The following AASDHPPT variants were observed in gnomAD, a reference collection of about 807,000 sequenced individuals.
AASDHPPT encodes L-aminoadipate-semialdehyde dehydrogenase-phosphopantetheinyl transferase.
AASDHPPT carries 23 observed loss-of-function variants against 36.4 expected under a neutral mutation model. The ratio of observed to expected loss-of-function variants is 0.63; its 90% confidence interval spans 0.45 to 0.89. AASDHPPT has a LOEUF of 0.89. Ranked by LOEUF, AASDHPPT falls within the 40% of genes least tolerant of loss-of-function variation. AASDHPPT has a pLI of 0.00. For synonymous variants in AASDHPPT, 115 were observed against 128.0 expected, an observed-to-expected ratio of 0.90 and a Z score of 0.68; for missense variants, 377 against 378.2, an observed-to-expected ratio of 1.00 and a Z score of 0.03.
chr11:106,081,104 G>A (rs1397332310), intron 2 of AASDHPPT, among the ~76,000 whole-genome samples: 1 of 152,140 alleles, frequency 6.6e-6, no homozygotes, highest in Non-Finnish European at 1.5e-5. Flanking sequence ...TTAGTACCTT[G>A]CCTAGCATGT....
chr11:106,078,612 TTC>T (rs1283790623), intron 1 of AASDHPPT, among the ~76,000 whole-genome samples: 4 of 152,214 alleles, frequency 2.6e-5, no homozygotes, highest in African/African-American at 4.8e-5. Flanking sequence ...TTGAAACACT[TTC>T]TGTTTGAAAT....
chr11:106,091,275 G>T, intron 3 of AASDHPPT, 41 bp from the exon 4 acceptor site: 1 of 1,547,430 alleles, frequency 6.5e-7, no homozygotes, highest in East Asian at 2.3e-5. Context: ...AAAAATTTTT[G>T]TCCACCAAAT....
At chr11:106,086,880 C>G (rs1861203535) in intron 2 of AASDHPPT, among the ~76,000 whole-genome samples, 1 of 152,168 alleles carries the variant, frequency 6.6e-6, no homozygotes, top group Admixed American at 6.5e-5. Flanking sequence ...AAACATGTTC[C>G]AAACCCAGCA....
chr11:106,094,573 TA>T lies in AASDHPPT; in HGVS notation c.694-9del. Reference sequence around the variant, plus strand: ...TTATAATCTATATTTATTTACCTTTTATCTTTCAGGAAAGCAAAATAGATGA... The same window carrying T: ...TTATAATCTATATTTATTTACCTTTTTCTTTCAGGAAAGCAAAATAGATGA... On this transcript the variant is annotated splice_polypyrimidine_tract_variant and intron_variant, in intron 4 of 5. Transcript: ENST00000278618. The T allele has an allele frequency of 6.3e-7, 1 of 1,593,440 alleles. No homozygotes were observed. The highest frequency in any genetic ancestry group is 1.1e-5 in the South Asian group (1 of 87,300).
At chr11:106,094,362 A>G (rs547852514) in intron 4 of AASDHPPT, 23 of 357,196 alleles carry the variant, frequency 6.4e-5, no homozygotes, top group East Asian at 4.0e-4. Flanking sequence ...TGTGCCTACT[A>G]GGAAATACAT....
chr11:106,083,879 A>C (rs186956034), intron 2 of AASDHPPT, among the ~76,000 whole-genome samples: 1 of 152,304 alleles, frequency 6.6e-6, no homozygotes, highest in Admixed American at 6.5e-5. Context: ...GACAGAGTTC[A>C]GAATTTATCA....
rs991840135 is a variant in AASDHPPT at position 106,098,670 on chromosome 11, T to TA, written c.*1770dup. 1 of 151,982 alleles carries TA rather than the reference T, an allele frequency of 6.6e-6. No homozygotes were observed. The highest frequency in any genetic ancestry group is 2.4e-5 in the African/African-American group (1 of 41,416). 9.4% of individuals were successfully genotyped at this position (151,982 alleles called of 1,614,324 possible). Reference sequence around the variant, plus strand: ...AAACTTTGTCTTGTCATTATAATAATAAAAAAATGAACATTTATTATGGAA... The same window carrying TA: ...AAACTTTGTCTTGTCATTATAATAATAAAAAAAATGAACATTTATTATGGAA... On this transcript the variant is annotated 3_prime_UTR_variant, in exon 6 of 6. Transcript: ENST00000278618.
At chr11:106,094,541 A>G in intron 4 of AASDHPPT, 42 bp from the exon 5 acceptor site, 2 of 1,411,384 alleles carry the variant, frequency 1.4e-6, no homozygotes, top group Non-Finnish European at 1.9e-6. Flanking sequence ...ATCTAGGTTT[A>G]CATATTTTAT....
Position 106,096,550 on chromosome 11 carries a change from T to C in AASDHPPT, c.766-193T>C, listed in dbSNP as rs377147460. ...ATAAAAAAGTTCAAGAATCAGGTTTTCTATTTCATTTTTTTTTGATTTGTT... is the reference window on the plus strand; with the variant it reads ...ATAAAAAAGTTCAAGAATCAGGTTTCCTATTTCATTTTTTTTTGATTTGTT... On this transcript the variant is annotated intron_variant, in intron 5 of 5. Coordinates refer to ENST00000278618, the MANE Select transcript of AASDHPPT (RefSeq NM_015423.3). 5 of 425,510 alleles carry C rather than the reference T, an allele frequency of 1.2e-5. No individual in the cohort carries two copies. In the East Asian group the frequency reaches 1.9e-4, roughly 16 times the overall value. 26.4% of individuals were successfully genotyped at this position (425,510 alleles called of 1,614,324 possible). A position where few individuals can be genotyped will look rare whatever the true frequency, so the allele number is the denominator to read the frequency against.
chr11:106,096,831 C>T lies in AASDHPPT; in HGVS notation c.854C>T (p.Thr285Ile). 2 of 1,611,862 alleles carry T rather than the reference C, an allele frequency of 1.2e-6. No homozygotes were observed. Among genetic ancestry groups the T allele is most frequent in the Non-Finnish European group, 1.7e-6 (2 of 1,178,920 alleles). The change falls in exon 6 of 6, where the codon ACA becomes ATA. Residue 285 changes from threonine (T) to isoleucine (I), a missense_variant. By Grantham distance (89) the Thr-to-Ile change is moderately conservative. Coordinates refer to ENST00000278618, the MANE Select transcript of AASDHPPT (RefSeq NM_015423.3). ...TTAATGTCATCTGCCGTTCCCATGA[C>T]ACCTGAAGATCCTTCATTTTGGGAC... is the stretch of plus-strand genomic sequence containing the variant. ...NDLMSSAVPM[T>I]PEDPSFWDCF...
In AASDHPPT at chr11:106,083,553, C is replaced by G. The variant is rs535198352; in HGVS notation, c.409+3861C>G. On this transcript the variant is annotated intron_variant, in intron 2 of 5. Transcript: ENST00000278618. ...GGAATATGAAAAATATAGTAAGGGT[C>G]TTGCCTTACCAGTTTCAAAAACTTG... 2.6e-5 allele frequency among the ~76,000 whole-genome samples: 4 copies of G among 152,190 alleles called. No individual in the cohort carries two copies. The South Asian group carries it at 8.3e-4, about 32-fold the overall frequency.
intron 3 of AASDHPPT, 23 bp from the exon 4 acceptor site, chr11:106,091,293 G>GA (rs1380863242): frequency 6.4e-7 from 1 of 1,566,096 alleles, no homozygotes; most frequent in Non-Finnish European, 8.6e-7. Context: ...AATTCTAAGA[G>GA]AAAATGTCTT....
At chr11:106,082,607 C>T (rs1861155695) in intron 2 of AASDHPPT, among the ~76,000 whole-genome samples, 1 of 152,128 alleles carries the variant, frequency 6.6e-6, no homozygotes, top group Non-Finnish European at 1.5e-5. Flanking sequence ...CTTTTTCTTT[C>T]ATGGTGCATT....
At position 106,097,396 on chromosome 11, in the gene AASDHPPT, T is replaced by C. The variant is rs762473708; in HGVS notation, c.*489T>C. 1 of 156,522 alleles carries C rather than the reference T, an allele frequency of 6.4e-6. No homozygotes were observed. Among genetic ancestry groups the C allele is most frequent in the Non-Finnish European group, 1.4e-5 (1 of 71,336 alleles). The allele number at this position is 156,522 out of a possible 1,614,324, so 9.7% of individuals were successfully genotyped here. ...TCTGTAACATAACTTTTTGTGGTTC[T>C]AATGTACTCTGTTGTATAGCTAATA... On this transcript the variant is annotated 3_prime_UTR_variant, in exon 6 of 6. Transcript: ENST00000278618.
rs1861330463 is a variant in AASDHPPT at position 106,097,649 on chromosome 11, G to A, written c.*742G>A. The A allele has an allele frequency of 6.6e-6, 1 of 152,048 alleles. No homozygotes were observed. Among genetic ancestry groups the A allele is most frequent in the African/African-American group, 2.4e-5 (1 of 41,398 alleles). The allele number at this position is 152,048 out of a possible 1,614,324, so 9.4% of individuals were successfully genotyped here. A position where few individuals can be genotyped will look rare whatever the true frequency, so the allele number is the denominator to read the frequency against. ...ATCTTTGTAAAATTGTATCTCAAAGGCAGAAAAGGCCATTTCGTCTCTCAT... is the reference window on the plus strand; with the variant it reads ...ATCTTTGTAAAATTGTATCTCAAAGACAGAAAAGGCCATTTCGTCTCTCAT... On this transcript the variant is annotated 3_prime_UTR_variant, in exon 6 of 6. Transcript: ENST00000278618.
In AASDHPPT at chr11:106,096,796, C is replaced by G; in HGVS notation, c.819C>G (p.Asn273Lys). 1 of 1,609,672 alleles carries G rather than the reference C, an allele frequency of 6.2e-7. No homozygotes were observed. Among genetic ancestry groups the G allele is most frequent in the Non-Finnish European group, 8.5e-7 (1 of 1,178,350 alleles). Residue 273 changes from asparagine to lysine, a missense_variant, in exon 6 of 6, where the codon AAC (asparagine) becomes AAG (lysine). Asn to Lys is a moderately conservative substitution (Grantham distance 94). Coordinates refer to ENST00000278618, the MANE Select transcript of AASDHPPT (RefSeq NM_015423.3). ...CCCAGAGGCAATTTACTATTCTCAA[C>G]TTTAATGATTTAATGTCATCTGCCG... ...KPTQRQFTIL[N>K]FNDLMSSAVP...
Position 106,097,004 on chromosome 11 carries a change from A to G in AASDHPPT, c.*97A>G, listed in dbSNP as rs1410490416. 1.2e-5 allele frequency: 15 copies of G among 1,296,236 alleles called. No individual in the cohort carries two copies. Among genetic ancestry groups the G allele is most frequent in the Middle Eastern group, 1.9e-4 (1 of 5,162 alleles). 80.3% of individuals were successfully genotyped at this position (1,296,236 alleles called of 1,614,324 possible). A position where few individuals can be genotyped will look rare whatever the true frequency, so the allele number is the denominator to read the frequency against. On this transcript the variant is annotated 3_prime_UTR_variant, in exon 6 of 6. Transcript: ENST00000278618. ...GTTTAGTATCAAATTTTATTTCACGAAAGTTTTTTTAAAGAACAGAAACTT... is the reference window on the plus strand; with the variant it reads ...GTTTAGTATCAAATTTTATTTCACGGAAGTTTTTTTAAAGAACAGAAACTT...
At chr11:106,079,077 G>A (rs17393316) in intron 1 of AASDHPPT, among the ~76,000 whole-genome samples, 17,275 of 152,238 alleles carry the variant, frequency 0.11, 1,371 homozygotes, top group Non-Finnish European at 0.17. Context: ...CCAGACGTGT[G>A]TGTACAGACA....
chr11:106,096,952 T>C lies in AASDHPPT; in HGVS notation c.*45T>C. On this transcript the variant is annotated 3_prime_UTR_variant, in exon 6 of 6. Transcript: ENST00000278618. The stretch of plus-strand genomic sequence containing the variant: ...GGGAAATGAAAACTGTTTGTGATCT[T>C]CCGTATTCACTGAAAAATAAATGCT... The C allele has an allele frequency of 6.6e-7, 1 of 1,508,786 alleles. No individual in the cohort carries two copies. Among genetic ancestry groups the C allele is most frequent in the Non-Finnish European group, 8.9e-7 (1 of 1,126,366 alleles). 93.5% of individuals were successfully genotyped at this position (1,508,786 alleles called of 1,614,324 possible). A position where few individuals can be genotyped will look rare whatever the true frequency, so the allele number is the denominator to read the frequency against.
Sources: gnomAD v4.1 joint callset for allele counts (sites outside exome capture counted in the v4.1 genomes callset) on GRCh38, gnomAD v4.1.1 for gene constraint, MANE v1.5 for transcripts, NCBI Gene and HGNC (gene_info 2026-07-23, HGNC 2026-07-21) for gene names.